Variants in DGKB observed in about 807,000 individuals in gnomAD.
DGKB encodes diacylglycerol kinase beta.
Under a neutral mutation model 114.3 loss-of-function variants are expected in DGKB, and 67 were observed. The ratio of observed to expected loss-of-function variants is 0.59; its 90% CI spans 0.48 to 0.72. The LOEUF (loss-of-function observed/expected upper bound fraction) is 0.72, where lower values mean the gene tolerates loss of function less well. Among genes scored for constraint, DGKB ranks in the 30% least tolerant of loss-of-function variants. The probability of loss-of-function intolerance (pLI) is 0.00; values close to 1 mark genes in which losing one functional copy is unlikely to be tolerated. For missense variants in DGKB, 907 were observed against 975.2 expected (o/e 0.93, Z 0.93); for synonymous variants, 398 against 323.1 (o/e 1.23, Z -2.49).
intron 23 of DGKB, among the ~76,000 whole-genome samples, chr7:14,319,031 G>A (rs941211296): frequency 3.6e-4 from 55 of 151,016 alleles, no homozygotes; most frequent in Admixed American, 1.1e-3. Flanking sequence ...GTAAACTGTC[G>A]CAAGAACAAA....
chr7:14,274,974 T>TG lies in DGKB; in HGVS notation c.2122+63540_2122+63541insC, dbSNP rs59706133. ...GTGTGTGTGTGTGTGTGTGTGTGTGTTTGTGTGTGCGTGTTATAAATGTGA... is the reference window on the plus strand; with the variant it reads ...GTGTGTGTGTGTGTGTGTGTGTGTGTGTTGTGTGTGCGTGTTATAAATGTGA... On this transcript the variant is annotated intron_variant, in intron 23 of 25. Transcript: ENST00000402815. 4.8e-3 allele frequency among the ~76,000 whole-genome samples: 697 copies of TG among 145,548 alleles called. 1 individual carries two copies. The highest frequency in any genetic ancestry group is 8.0e-3 in the Non-Finnish European group (522 of 65,342).
chr7:14,675,939 G>A (rs541232093), intron 12 of DGKB, among the ~76,000 whole-genome samples: 78 of 151,966 alleles, frequency 5.1e-4, no homozygotes, highest in Non-Finnish European at 9.0e-4. Context: ...TTTACAAGTC[G>A]TGAATCAAAT....
At chr7:14,552,575 GT>G (rs1226172239) in intron 20 of DGKB, among the ~76,000 whole-genome samples, 1 of 152,226 alleles carries the variant, frequency 6.6e-6, no homozygotes, top group Admixed American at 6.5e-5. Context: ...TGTTGCACAT[GT>G]TGCTTGGATA....
At chr7:14,640,788 G>A (rs1214274966) in intron 13 of DGKB, among the ~76,000 whole-genome samples, 1 of 152,280 alleles carries the variant, frequency 6.6e-6, no homozygotes, top group South Asian at 2.1e-4. Context: ...AGAAAGTCAT[G>A]TACATAAATA....
intron 20 of DGKB, among the ~76,000 whole-genome samples, chr7:14,535,828 A>AC (rs566651925): frequency 2.0e-4 from 31 of 151,514 alleles, no homozygotes; most frequent in Admixed American, 6.6e-4. Context: ...CTCGTGATCC[A>AC]CCCCCCTCAG....
At chr7:14,254,724 A>ATTGTGTCTCT (rs1486220974) in intron 23 of DGKB, among the ~76,000 whole-genome samples, 1 of 152,158 alleles carries the variant, frequency 6.6e-6, no homozygotes, top group Non-Finnish European at 1.5e-5. Flanking sequence ...TCTGTGCAAA[A>ATTGTGTCTCT]TTGTGTCTCT....
At chr7:14,849,289 G>T (rs1405674328) in intron 1 of DGKB, among the ~76,000 whole-genome samples, 2 of 150,960 alleles carry the variant, frequency 1.3e-5, no homozygotes, top group Non-Finnish European at 3.0e-5. Flanking sequence ...TCTGATAGGA[G>T]TAGCTATAAT....
chr7:14,525,286 ACTT>A (rs1790467973), intron 20 of DGKB, among the ~76,000 whole-genome samples: 1 of 152,052 alleles, frequency 6.6e-6, no homozygotes, highest in African/African-American at 2.4e-5. Flanking sequence ...CCAGTTGAAA[ACTT>A]CTTTGTGCAT....
At chr7:14,729,980 C>A (rs1441044225) in intron 5 of DGKB, among the ~76,000 whole-genome samples, 1 of 152,112 alleles carries the variant, frequency 6.6e-6, no homozygotes, top group East Asian at 1.9e-4. Flanking sequence ...TCTTCTCTTT[C>A]TTTCTTATAA....
chr7:14,184,482 G>A lies in DGKB; in HGVS notation c.2123-6331C>T, dbSNP rs139552276. Among the ~76,000 whole-genome samples the A allele has an allele frequency of 4.6e-3, 703 of 152,246 alleles. 2 individuals carry two copies. The highest frequency in any genetic ancestry group is 0.016 in the African/African-American group (654 of 41,536). On this transcript the variant is annotated intron_variant, in intron 23 of 25. Transcript: ENST00000402815. ...CGGGCCTTCAGTTTGCATGGGAGCT[G>A]TGTGAGGCCTGTGACTGTGGGCTTT...
chr7:14,494,371 T>C (rs1785006265), intron 20 of DGKB, among the ~76,000 whole-genome samples: 1 of 151,256 alleles, frequency 6.6e-6, no homozygotes, highest in Non-Finnish European at 1.5e-5. Context: ...ATAAGCATCT[T>C]GAGACAATCT....
rs1485492869 is a variant in DGKB at position 14,932,135 on chromosome 7, C to T, written c.-188+42561G>A. Among the ~76,000 whole-genome samples the T allele has an allele frequency of 2.6e-5, 4 of 152,154 alleles. No individual in the cohort carries two copies. The East Asian group carries it at 5.8e-4, about 22-fold the overall frequency. ...AGTTAGGCTTATAGCTTGGGAGGGTCAAGGTGCTCTCCCATGTTCTGGACT... is the reference window on the plus strand; with the variant it reads ...AGTTAGGCTTATAGCTTGGGAGGGTTAAGGTGCTCTCCCATGTTCTGGACT... On this transcript the variant is annotated intron_variant, in intron 1 of 4. Transcript: ENST00000437998.
chr7:14,266,874 T>C (rs1797593044), intron 23 of DGKB, among the ~76,000 whole-genome samples: 1 of 152,224 alleles, frequency 6.6e-6, no homozygotes, highest in Non-Finnish European at 1.5e-5. Context: ...ATCACTATGT[T>C]AAAATACGTT....
At chr7:14,709,800 A>T (rs1827015100) in intron 6 of DGKB, among the ~76,000 whole-genome samples, 1 of 117,690 alleles carries the variant, frequency 8.5e-6, no homozygotes, top group East Asian at 2.5e-4. Context: ...GGAATATCAC[A>T]CTCTGGGGAC....
At chr7:14,691,194 T>C (rs1822805192) in intron 9 of DGKB, among the ~76,000 whole-genome samples, 1 of 152,166 alleles carries the variant, frequency 6.6e-6, no homozygotes. Context: ...GAAGTGAAGA[T>C]TACTCTCCCA....
chr7:14,475,742 A>T (rs575905765), intron 21 of DGKB, among the ~76,000 whole-genome samples: 2 of 152,250 alleles, frequency 1.3e-5, no homozygotes, highest in East Asian at 3.9e-4. Flanking sequence ...ATCTTATAAA[A>T]AACATTGAAG....
At chr7:14,450,746 G>A (rs1584032725) in intron 21 of DGKB, among the ~76,000 whole-genome samples, 1 of 152,064 alleles carries the variant, frequency 6.6e-6, no homozygotes, top group East Asian at 1.9e-4. Context: ...AAGAGCAGAA[G>A]GAGGTGTCCT....
intron 1 of DGKB, among the ~76,000 whole-genome samples, chr7:14,954,835 C>G (rs1164931093): frequency 6.6e-6 from 1 of 151,970 alleles, no homozygotes; most frequent in African/African-American, 2.4e-5. Flanking sequence ...CTGAAATGCT[C>G]AAGAGAAGTT....
chr7:14,407,892 A>T (rs1041869381), intron 21 of DGKB, among the ~76,000 whole-genome samples: 1 of 152,048 alleles, frequency 6.6e-6, no homozygotes, highest in Non-Finnish European at 1.5e-5. Flanking sequence ...TTCAAAAAAA[A>T]CCATGATCCT....
Sources: gnomAD v4.1 joint callset for allele counts (sites outside exome capture counted in the v4.1 genomes callset) on GRCh38, gnomAD v4.1.1 for gene constraint, MANE v1.5 for transcripts, NCBI Gene and HGNC (gene_info 2026-07-23, HGNC 2026-07-21) for gene names.